The following AHCYL2 variants were observed in gnomAD, a reference collection of about 807,000 sequenced individuals.
AHCYL2 encodes adenosylhomocysteinase like 2.
In AHCYL2, 28 loss-of-function variants were observed where a neutral mutation model predicts 81.4. The observed-to-expected ratio is 0.34, with a 90% CI of 0.25 to 0.47. AHCYL2 has a LOEUF of 0.47. Ranked by LOEUF, AHCYL2 falls within the 20% of genes least tolerant of loss-of-function variation. AHCYL2 has a pLI of 1.00. For missense variants in AHCYL2, 551 were observed against 785.1 expected (o/e 0.70, Z 3.56); for synonymous variants, 272 against 290.2 (o/e 0.94, Z 0.64).
intron 2 of AHCYL2, 99 bp downstream of exon 2, chr7:129,379,848 C>A: frequency 2.4e-6 from 2 of 850,568 alleles, no homozygotes; most frequent in South Asian, 1.9e-5. Flanking sequence ...ATGACCAAGA[C>A]TGTGCTTTGA....
At chr7:129,347,859 C>G (rs576591579) in intron 1 of AHCYL2, among the ~76,000 whole-genome samples, 1 of 152,262 alleles carries the variant, frequency 6.6e-6, no homozygotes, top group East Asian at 1.9e-4. Flanking sequence ...ACCTTGTTTA[C>G]TTTACACCCA....
Position 129,429,087 on chromosome 7 carries a change from C to T in AHCYL2, c.*2042C>T, listed in dbSNP as rs1039034489. ...TGCTGTTTCTCAGCAAAGCCTTGCT[C>T]TCTGGAGCTTACTATGTGCTGGTAC... is the stretch of plus-strand genomic sequence containing the variant. On this transcript the variant is annotated 3_prime_UTR_variant, in exon 17 of 17. Transcript: ENST00000325006. The T allele has an allele frequency of 2.0e-5, 3 of 152,322 alleles. No homozygotes were observed. The highest frequency in any genetic ancestry group is 7.2e-5 in the African/African-American group (3 of 41,574). 9.4% of individuals were successfully genotyped at this position (152,322 alleles called of 1,614,324 possible). A position where few individuals can be genotyped will look rare whatever the true frequency, so the allele number is the denominator to read the frequency against.
intron 10 of AHCYL2, among the ~76,000 whole-genome samples, chr7:129,408,798 G>T (rs1033176143): frequency 6.6e-6 from 1 of 152,188 alleles, no homozygotes. Context: ...CTGAAGTTGA[G>T]GAGAGGCAAT....
Position 129,225,054 on chromosome 7 carries a change from C to A in AHCYL2, c.-23C>A. ...CAAGAGCAGGAGCTGGAGTCTGAGC[C>A]GGTGGTTGCAGCGGAGGCGGTGATG... is the stretch of plus-strand genomic sequence containing the variant. On this transcript the variant is annotated 5_prime_UTR_variant, in exon 1 of 17. Coordinates refer to ENST00000325006, the MANE Select transcript of AHCYL2 (RefSeq NM_015328.4). The A allele has an allele frequency of 1.9e-6, 3 of 1,573,906 alleles. No homozygotes were observed. Among genetic ancestry groups the A allele is most frequent in the Non-Finnish European group, 2.6e-6 (3 of 1,161,644 alleles).
At chr7:129,404,611 G>T (rs868428576) in intron 7 of AHCYL2, among the ~76,000 whole-genome samples, 4 of 152,186 alleles carry the variant, frequency 2.6e-5, no homozygotes, top group Admixed American at 6.5e-5. Context: ...GGAGGCAGAG[G>T]TTGCAGTAAG....
chr7:129,345,215 T>C (rs866126158), intron 1 of AHCYL2, among the ~76,000 whole-genome samples: 1 of 152,126 alleles, frequency 6.6e-6, no homozygotes, highest in Admixed American at 6.5e-5. Context: ...TGCCTGGTGA[T>C]TGGAAAGGGA....
intron 2 of AHCYL2, among the ~76,000 whole-genome samples, chr7:129,387,408 C>T (rs1319182490): frequency 6.6e-6 from 1 of 152,206 alleles, no homozygotes; most frequent in African/African-American, 2.4e-5. Context: ...CACCCAAAAA[C>T]AGAGACTGAG....
rs1797403869 is a variant in AHCYL2, at chr7:129,427,233, T to C, written c.*188T>C. The C allele has an allele frequency of 8.3e-6, 5 of 599,852 alleles. No homozygotes were observed. Among genetic ancestry groups the C allele is most frequent in the Non-Finnish European group, 1.1e-5 (4 of 354,778 alleles). 37.2% of individuals were successfully genotyped at this position (599,852 alleles called of 1,614,324 possible). A position where few individuals can be genotyped will look rare whatever the true frequency, so the allele number is the denominator to read the frequency against. ...CCTGTAGTGTTGGCCCAGAGTGTGG[T>C]TACTGCCCTGAGGGCCATGAAAGCC... On this transcript the variant is annotated 3_prime_UTR_variant, in exon 17 of 17. Coordinates refer to ENST00000325006, the MANE Select transcript of AHCYL2 (RefSeq NM_015328.4). The surrounding 1 kb of genome is among the most constrained non-coding windows in gnomAD (Gnocchi z 5.5).
At chr7:129,288,904 C>T (rs1259505007) in intron 1 of AHCYL2, among the ~76,000 whole-genome samples, 4 of 147,068 alleles carry the variant, frequency 2.7e-5, no homozygotes, top group African/African-American at 1.0e-4. Context: ...TGAGTAGCTG[C>T]GACTGCAGGC....
At chr7:129,372,297 A>G (rs966426897) in intron 1 of AHCYL2, among the ~76,000 whole-genome samples, 1 of 152,222 alleles carries the variant, frequency 6.6e-6, no homozygotes, top group East Asian at 1.9e-4. Flanking sequence ...CTTAGGAAGT[A>G]GAGACACAGA....
intron 12 of AHCYL2, among the ~76,000 whole-genome samples, chr7:129,415,855 A>G (rs370443824): frequency 2.0e-5 from 3 of 152,120 alleles, no homozygotes; most frequent in East Asian, 3.9e-4. Flanking sequence ...CCTGGCCAAC[A>G]TGATGAAACC....
intron 1 of AHCYL2, among the ~76,000 whole-genome samples, chr7:129,344,938 T>A (rs771638451): frequency 9.2e-5 from 14 of 152,142 alleles, no homozygotes; most frequent in Non-Finnish European, 1.8e-4. Context: ...GTGGATCACC[T>A]GAGGTCAGGA....
intron 1 of AHCYL2, among the ~76,000 whole-genome samples, chr7:129,371,339 C>T (rs980251699): frequency 1.3e-5 from 2 of 152,202 alleles, no homozygotes; most frequent in African/African-American, 4.8e-5. Context: ...AAAGGGACTT[C>T]ATATCCCTCA....
At chr7:129,391,115 C>T (rs1164805268) in intron 4 of AHCYL2, among the ~76,000 whole-genome samples, 1 of 152,024 alleles carries the variant, frequency 6.6e-6, no homozygotes, top group Non-Finnish European at 1.5e-5. Flanking sequence ...TACTATTTCA[C>T]AGTATTATTT....
chr7:129,333,605 A>G (rs572328231), intron 1 of AHCYL2, among the ~76,000 whole-genome samples: 1 of 152,286 alleles, frequency 6.6e-6, no homozygotes, highest in East Asian at 1.9e-4. Flanking sequence ...GCAGTTACTC[A>G]TTTAGTTCAG....
intron 1 of AHCYL2, among the ~76,000 whole-genome samples, chr7:129,328,599 C>T (rs1798310303): frequency 6.6e-6 from 1 of 152,178 alleles, no homozygotes; most frequent in Admixed American, 6.5e-5. Context: ...ATTCTCCTGC[C>T]TCAGCCTCCC....
rs982707572 is a variant in AHCYL2, at chr7:129,251,201, T to C, written c.363+25762T>C. ...GGACAGTGAGGTTTATATACCTTGA[T>C]TGGTAAGCCTGTGTCTGATGTTTTA... On this transcript the variant is annotated intron_variant, in intron 1 of 16. Coordinates refer to ENST00000325006, the MANE Select transcript of AHCYL2 (RefSeq NM_015328.4). Among the ~76,000 whole-genome samples the C allele has an allele frequency of 4.6e-5, 7 of 152,332 alleles. No individual in the cohort carries two copies. The East Asian group carries it at 1.2e-3, about 25-fold the overall frequency.
chr7:129,296,447 G>T (rs966790169), intron 1 of AHCYL2, among the ~76,000 whole-genome samples: 1 of 152,170 alleles, frequency 6.6e-6, no homozygotes, highest in Non-Finnish European at 1.5e-5. Flanking sequence ...GGTGGCTCAC[G>T]CCTATAATCG....
chr7:129,368,502 A>G lies in AHCYL2; in HGVS notation c.364-11136A>G. 1 of 1,614,006 alleles carries G rather than the reference A, an allele frequency of 6.2e-7. No homozygotes were observed. The highest frequency in any genetic ancestry group is 1.3e-5 in the African/African-American group (1 of 75,038). On this transcript the variant is annotated intron_variant, in intron 1 of 16. Coordinates refer to ENST00000325006, the MANE Select transcript of AHCYL2 (RefSeq NM_015328.4). This position sits in a 1 kb window ranked among gnomAD's most constrained non-coding sequence, Gnocchi z 4.4. ...CTTACCCAAGCCTGCACTATGGAGA[A>G]GTGGGACGGTAATGAGGGCACCTCA...
Sources: allele counts gnomAD v4.1 joint callset (sites outside exome capture counted in the v4.1 genomes callset), GRCh38; gene constraint gnomAD v4.1.1; non-coding constraint Gnocchi (gnomAD v3.1); transcripts MANE v1.5; gene names NCBI Gene and HGNC (gene_info 2026-07-23, HGNC 2026-07-21).